TRABD2B: variants seen among roughly 807,000 people sequenced by gnomAD.
TRABD2B encodes the protein TraB domain containing 2B.
In TRABD2B, 14 loss-of-function variants were observed where a neutral mutation model predicts 40.1. That is an observed-to-expected ratio of 0.35 (90% CI 0.23 to 0.55). The LOEUF (loss-of-function observed/expected upper bound fraction) is 0.55. Among genes scored for constraint, TRABD2B ranks in the 20% least tolerant of loss-of-function variants. TRABD2B has a pLI of 0.90. For synonymous variants in TRABD2B, 263 were observed against 277.0 expected, an observed-to-expected ratio of 0.95 and a Z score of 0.50; for missense variants, 541 against 648.6, an observed-to-expected ratio of 0.83 and a Z score of 1.80.
chr1:47,791,132 G>A (rs1023300189), intron 4 of TRABD2B, among the ~76,000 whole-genome samples: 2 of 152,226 alleles, frequency 1.3e-5, no homozygotes, highest in East Asian at 1.9e-4. Flanking sequence ...CTCAGGGCAG[G>A]ATTCTGGAGC....
intron 2 of TRABD2B, among the ~76,000 whole-genome samples, chr1:47,840,856 C>T (rs1385471775): frequency 6.6e-6 from 1 of 152,198 alleles, no homozygotes; most frequent in Non-Finnish European, 1.5e-5. Flanking sequence ...TGTCCTTAAG[C>T]TCTGTGGCTG....
intron 2 of TRABD2B, among the ~76,000 whole-genome samples, chr1:47,810,850 C>T (rs1049359879): frequency 9.2e-5 from 14 of 152,156 alleles, no homozygotes; most frequent in Middle Eastern, 3.2e-3. Flanking sequence ...GCCTGGACCA[C>T]GGCAACGCCA....
chr1:47,883,358 T>C (rs994196211), intron 2 of TRABD2B, among the ~76,000 whole-genome samples: 9 of 152,230 alleles, frequency 5.9e-5, no homozygotes, highest in African/African-American at 1.9e-4. Flanking sequence ...AATGCTGGTA[T>C]TATAGGCTTG....
chr1:47,885,504 A>T (rs1037166082), intron 2 of TRABD2B, among the ~76,000 whole-genome samples: 1 of 152,148 alleles, frequency 6.6e-6, no homozygotes, highest in East Asian at 1.9e-4. Flanking sequence ...GCATCTTCTG[A>T]ATGAATGGAT....
intron 2 of TRABD2B, among the ~76,000 whole-genome samples, chr1:47,945,023 G>C (rs1188605151): frequency 6.6e-6 from 1 of 151,294 alleles, no homozygotes; most frequent in Non-Finnish European, 1.5e-5. Context: ...TGATTCTGGA[G>C]CTTAGGAAGG....
chr1:47,890,704 G>C (rs1644432951), intron 2 of TRABD2B, among the ~76,000 whole-genome samples: 1 of 152,212 alleles, frequency 6.6e-6, no homozygotes, highest in Non-Finnish European at 1.5e-5. Context: ...AGAATCTCCT[G>C]AGCAAAGTTA....
intron 2 of TRABD2B, among the ~76,000 whole-genome samples, chr1:47,832,087 C>T (rs1557600413): frequency 6.6e-6 from 1 of 152,180 alleles, no homozygotes; most frequent in African/African-American, 2.4e-5. Flanking sequence ...AATCCCAGCA[C>T]TTTGGGAGGC....
chr1:47,916,536 A>G (rs1008846666), intron 2 of TRABD2B, among the ~76,000 whole-genome samples: 1 of 152,238 alleles, frequency 6.6e-6, no homozygotes, highest in Non-Finnish European at 1.5e-5. Flanking sequence ...AGGAAGAGGA[A>G]GCACTTTGCC....
intron 2 of TRABD2B, among the ~76,000 whole-genome samples, chr1:47,895,932 C>T (rs1263271415): frequency 6.6e-6 from 1 of 152,230 alleles, no homozygotes; most frequent in Admixed American, 6.5e-5. Context: ...ACTTGTCCCA[C>T]CAGTGAAGGG....
intron 2 of TRABD2B, among the ~76,000 whole-genome samples, chr1:47,854,147 T>C (rs1441770122): frequency 6.6e-6 from 1 of 152,212 alleles, no homozygotes; most frequent in South Asian, 2.1e-4. Context: ...GCCACTTCAA[T>C]TTCTGAACCT....
chr1:47,814,272 G>T (rs76582635), intron 2 of TRABD2B, among the ~76,000 whole-genome samples: 14 of 152,364 alleles, frequency 9.2e-5, no homozygotes, highest in Non-Finnish European at 1.8e-4. Context: ...GGGAGTCGAG[G>T]TGGATCTGGA....
intron 2 of TRABD2B, among the ~76,000 whole-genome samples, chr1:47,954,520 G>A (rs1645390761): frequency 6.6e-6 from 1 of 152,176 alleles, no homozygotes; most frequent in Admixed American, 6.5e-5. Flanking sequence ...GAGGAGCCAT[G>A]GGCTTACAGA....
At chr1:47,863,267 A>G (rs988825748) in intron 2 of TRABD2B, among the ~76,000 whole-genome samples, 1 of 150,130 alleles carries the variant, frequency 6.7e-6, no homozygotes, top group African/African-American at 2.4e-5. Context: ...CAAGAGAATG[A>G]AAAGATAAGC....
chr1:47,831,599 CCT>C (rs1178164310), intron 2 of TRABD2B, among the ~76,000 whole-genome samples: 5 of 152,118 alleles, frequency 3.3e-5, no homozygotes, highest in African/African-American at 4.8e-5. Context: ...ATCACTCCCC[CCT>C]CTCTTTATAA....
In TRABD2B at chr1:47,787,384, C is replaced by A. The variant is rs188022490; in HGVS notation, c.988+7202G>T. The stretch of plus-strand genomic sequence containing the variant: ...CACTGTGCAGACAGAGGAGGAAAGA[C>A]TCTGAGAAGGCCACATAGAAGATCT... On this transcript the variant is annotated intron_variant, in intron 4 of 6. Transcript: ENST00000606738. Among the ~76,000 whole-genome samples, 387 of 152,348 alleles carry A rather than the reference C, an allele frequency of 2.5e-3. 1 individual carries two copies. The highest frequency in any genetic ancestry group is 0.015 in the South Asian group (73 of 4,820).
chr1:47,974,007 G>T (rs1200237458), intron 2 of TRABD2B, among the ~76,000 whole-genome samples: 1 of 152,090 alleles, frequency 6.6e-6, no homozygotes, highest in African/African-American at 2.4e-5. Flanking sequence ...GGGAGGCTGA[G>T]GTAGGAGGAT....
At chr1:47,879,794 G>A (rs953703091) in intron 2 of TRABD2B, among the ~76,000 whole-genome samples, 1 of 152,214 alleles carries the variant, frequency 6.6e-6, no homozygotes, top group Non-Finnish European at 1.5e-5. Flanking sequence ...AGAAGTGAGA[G>A]TGGGGAGACC....
At position 47,763,386 on chromosome 1, in the gene TRABD2B, G is replaced by A. The variant is rs1644264779; in HGVS notation, c.*2516C>T. 6.6e-6 allele frequency: 1 copy of A among 152,160 alleles called. No individual in the cohort carries two copies. Among genetic ancestry groups the A allele is most frequent in the South Asian group, 2.1e-4 (1 of 4,824 alleles). 9.4% of individuals were successfully genotyped at this position (152,160 alleles called of 1,614,324 possible). ...CATCTTTCTTTAAACACTTGAATTA[G>A]GGTAAGGGAGAGTTTAGGATCCCCT... is the stretch of plus-strand genomic sequence containing the variant. On this transcript the variant is annotated 3_prime_UTR_variant, in exon 7 of 7. Coordinates refer to ENST00000606738, the MANE Select transcript of TRABD2B (RefSeq NM_001194986.2).
intron 2 of TRABD2B, among the ~76,000 whole-genome samples, chr1:47,966,904 CAAATA>C (rs59311312): frequency 0.016 from 2,033 of 128,738 alleles, 28 homozygotes; most frequent in East Asian, 0.046. Context: ...GACTCTGTCT[CAAATA>C]AAATAAAATA....
Sources: allele counts gnomAD v4.1 joint callset (sites outside exome capture counted in the v4.1 genomes callset), GRCh38; gene constraint gnomAD v4.1.1; transcripts MANE v1.5; gene names NCBI Gene and HGNC (gene_info 2026-07-23, HGNC 2026-07-21).